Variants in RTBDN observed in about 807,000 individuals in gnomAD.
The protein encoded by RTBDN is retbindin.
RTBDN carries 24 observed loss-of-function variants against 21.9 expected under a neutral mutation model. The observed-to-expected ratio is 1.10, with a 90% CI of 0.79 to 1.54. RTBDN has a LOEUF of 1.54. Ranked by LOEUF, RTBDN falls within the 40% of genes most tolerant of loss-of-function variation. RTBDN has a pLI of 0.00. For missense variants in RTBDN, 325 were observed against 315.2 expected, an observed-to-expected ratio of 1.03 and a Z score of -0.23; for synonymous variants, 141 against 125.9, an observed-to-expected ratio of 1.12 and a Z score of -0.80.
At chr19:12,828,166 G>A (rs1253167281) in intron 4 of RTBDN, among the ~76,000 whole-genome samples, 3 of 151,712 alleles carry the variant, frequency 2.0e-5, no homozygotes, top group Non-Finnish European at 4.4e-5. Flanking sequence ...GGGAGGCCGA[G>A]GCGGGCGGAT....
Position 12,830,437 on chromosome 19 carries a change from T to G in RTBDN, c.-18-440A>C, listed in dbSNP as rs1050665468. The G allele has an allele frequency of 1.0e-6, 1 of 988,630 alleles. No homozygotes were observed. The highest frequency in any genetic ancestry group is 1.2e-6 in the Non-Finnish European group (1 of 832,100). The allele number at this position is 988,630 out of a possible 1,614,324, so 61.2% of individuals were successfully genotyped here. A position where few individuals can be genotyped will look rare whatever the true frequency, so the allele number is the denominator to read the frequency against. On this transcript the variant is annotated intron_variant, in intron 1 of 5. Coordinates refer to ENST00000674343, the MANE Select transcript of RTBDN (RefSeq NM_001270441.2). This position sits in a 1 kb window ranked among gnomAD's most constrained non-coding sequence, Gnocchi z 4.2. Reference sequence around the variant, plus strand: ...CCTGCCGGCCCTTCTCTGGGTCACCTTCTCTCGGCCCACAATCGGCTTAGG... The same window carrying G: ...CCTGCCGGCCCTTCTCTGGGTCACCGTCTCTCGGCCCACAATCGGCTTAGG...
Position 12,828,641 on chromosome 19 carries a change from C to T in RTBDN, c.365+16G>A, listed in dbSNP as rs1323984018. Reference sequence around the variant, plus strand: ...CCCAAGTCACAACCCACGCCCCTTGCCCCCGCGTCTCCTACCAGGCCTGGC... The same window carrying T: ...CCCAAGTCACAACCCACGCCCCTTGTCCCCGCGTCTCCTACCAGGCCTGGC... On this transcript the variant is annotated intron_variant, in intron 4 of 5. Transcript: ENST00000674343. 8 of 1,595,812 alleles carry T rather than the reference C, an allele frequency of 5.0e-6. No homozygotes were observed. The highest frequency in any genetic ancestry group is 6.0e-6 in the Non-Finnish European group (7 of 1,167,500).
intron 5 of RTBDN, chr19:12,826,247 A>G: frequency 7.8e-7 from 1 of 1,285,016 alleles, no homozygotes; most frequent in South Asian, 1.7e-5. Context: ...ATGGACCCAG[A>G]GCAGGAATGG....
intron 5 of RTBDN, 46 bp from the exon 6 acceptor site, chr19:12,825,979 C>T (rs756969624): frequency 2.1e-5 from 32 of 1,497,420 alleles, no homozygotes; most frequent in Admixed American, 4.8e-5. Flanking sequence ...AGTCCAGAGA[C>T]GTGGGGGGCG....
chr19:12,828,395 C>CAAA (rs1215529511), intron 4 of RTBDN, among the ~76,000 whole-genome samples: 4 of 123,348 alleles, frequency 3.2e-5, no homozygotes, highest in Non-Finnish European at 6.8e-5. Flanking sequence ...GACTCCATCT[C>CAAA]AAAAAAAAAA....
At position 12,834,408 on chromosome 19, in the gene RTBDN, C is replaced by T; in HGVS notation, c.-19+81G>A. The T allele has an allele frequency of 1.8e-6, 2 of 1,128,014 alleles. No individual in the cohort carries two copies. Among genetic ancestry groups the T allele is most frequent in the Non-Finnish European group, 2.6e-6 (2 of 781,766 alleles). 69.9% of individuals were successfully genotyped at this position (1,128,014 alleles called of 1,614,324 possible). ...CCATCGGCGCCGCTGGAGGCGTAAA[C>T]ATGTTTGTGCGGCAACCTCGCCCCT... On this transcript the variant is annotated intron_variant, in intron 1 of 5. Coordinates refer to ENST00000674343, the MANE Select transcript of RTBDN (RefSeq NM_001270441.2). The surrounding 1 kb of genome is among the most constrained non-coding windows in gnomAD (Gnocchi z 4.7).
intron 1 of RTBDN, among the ~76,000 whole-genome samples, chr19:12,833,170 G>C (rs1389424150): frequency 6.6e-6 from 1 of 152,110 alleles, no homozygotes; most frequent in Non-Finnish European, 1.5e-5. Flanking sequence ...AGGTGGGTGG[G>C]GGGGCATAAT....
upstream of RTBDN, chr19:12,834,838 G>C (rs151250411): frequency 7.7e-5 from 124 of 1,614,220 alleles, no homozygotes; most frequent in African/African-American, 1.3e-3. The surrounding 1 kb of genome is among the most constrained non-coding windows in gnomAD (Gnocchi z 4.7). Context: ...CTCGTCTTCA[G>C]CTGCGTTTCT....
At position 12,830,238 on chromosome 19, in the gene RTBDN, C is replaced by A; in HGVS notation, c.-18-241G>T. 7.9e-7 allele frequency: 1 copy of A among 1,266,804 alleles called. No homozygotes were observed. The highest frequency in any genetic ancestry group is 1.0e-6 in the Non-Finnish European group (1 of 1,002,412). 78.5% of individuals were successfully genotyped at this position (1,266,804 alleles called of 1,614,324 possible). On this transcript the variant is annotated intron_variant, in intron 1 of 5. Transcript: ENST00000674343. The surrounding 1 kb of genome is among the most constrained non-coding windows in gnomAD (Gnocchi z 4.2). ...TCCCTTCAGTGCCACCCCAACCAAG[C>A]TTAGACCACAGTGGCCCTCCTCCCA...
rs1278860586 is a variant in RTBDN, at chr19:12,831,015, G to C, written c.-18-1018C>G. Among the ~76,000 whole-genome samples the C allele has an allele frequency of 3.0e-5, 3 of 98,484 alleles. No homozygotes were observed. In the Admixed American group the frequency reaches 3.4e-4, roughly 11 times the overall value. 64.6% of individuals were successfully genotyped at this position (98,484 alleles called of 152,430 possible). On this transcript the variant is annotated intron_variant, in intron 1 of 5. Transcript: ENST00000674343. ...TTTATGTGTGTTTCTTGGTGGAGTG[G>C]TTGTGTGTGTGTGTGTGTGTGTGTG...
In RTBDN at chr19:12,828,882, C is replaced by A. The variant is rs766261061; in HGVS notation, c.241G>T (p.Val81Leu). ...GPGNHPERCG[V>L]PSPECESFLE... ...TGCTGTACTCACTCAGGGCTCGGCA[C>A]TCCACAGCGTTCTGGATGGTTTCCA... Residue 81 changes from valine (V) to leucine (L), a missense_variant, in exon 3 of 6, where the codon GTG becomes TTG. Val to Leu is a conservative substitution (Grantham distance 32). Transcript: ENST00000674343. 1 of 1,614,244 alleles carries A rather than the reference C, an allele frequency of 6.2e-7. No individual in the cohort carries two copies. The highest frequency in any genetic ancestry group is 8.5e-7 in the Non-Finnish European group (1 of 1,180,050).
chr19:12,828,677 G>T lies in RTBDN; in HGVS notation c.345C>A (p.Cys115Ter). The T allele has an allele frequency of 6.2e-7, 1 of 1,613,844 alleles. No homozygotes were observed. Among genetic ancestry groups the T allele is most frequent in the Non-Finnish European group, 8.5e-7 (1 of 1,179,834 alleles). The change falls in exon 4 of 6, where the codon TGC becomes TGA. Residue 115 changes from cysteine to a stop codon, truncating the protein, a stop_gained. Coordinates refer to ENST00000674343, the MANE Select transcript of RTBDN (RefSeq NM_001270441.2). LOFTEE classifies it high-confidence loss of function. ...CCTACCAGGCCTGGCAGAGCTCCTC[G>T]CAGAGCGGCTGTGCCTGGCGTACCC... ...LLGVRQAQPLCEELCQAWFAN... is the reference protein window; with the variant it reads ...LLGVRQAQPL
chr19:12,829,879 A>T lies in RTBDN; in HGVS notation c.101T>A (p.Leu34His), dbSNP rs772117060. The T allele has an allele frequency of 1.9e-6, 3 of 1,613,968 alleles. No individual in the cohort carries two copies. Among genetic ancestry groups the T allele is most frequent in the East Asian group, 4.5e-5 (2 of 44,890 alleles). Residue 34 changes from leucine (L) to histidine (H), a missense_variant, in exon 2 of 6, where the codon CTC (leucine) becomes CAC (histidine). Leu to His is a moderately conservative substitution (Grantham distance 99). Coordinates refer to ENST00000674343, the MANE Select transcript of RTBDN (RefSeq NM_001270441.2). ...LLEACGGSRP[L>H]QARSQQHHGL... is the part of the protein sequence containing the mutation. ...ATGGTGTTGCTGGGACCTGGCTTGG[A>T]GTGGGCGGCTCCCTCCACAGGCTTC...
Position 12,825,965 on chromosome 19 carries a change from G to A in RTBDN, c.463-32C>T, listed in dbSNP as rs375578558. On this transcript the variant is annotated intron_variant, in intron 5 of 5. Coordinates refer to ENST00000674343, the MANE Select transcript of RTBDN (RefSeq NM_001270441.2). ...AAAAGTGGAGTTAAGGCCCTAGTGG[G>A]CGGAGTCCAGAGACGTGGGGGGCGT... The A allele has an allele frequency of 1.4e-5, 22 of 1,534,438 alleles. 1 individual carries two copies. The African/African-American group carries it at 1.6e-4, about 11-fold the overall frequency.
At chr19:12,833,078 G>A (rs781559911) in intron 1 of RTBDN, 6 of 152,336 alleles carry the variant, frequency 3.9e-5, no homozygotes, top group South Asian at 2.1e-4. Context: ...AGACGGCCTG[G>A]CCTGGCTCCT....
intron 2 of RTBDN, among the ~76,000 whole-genome samples, chr19:12,829,547 A>G (rs1437430768): frequency 2.6e-5 from 4 of 152,130 alleles, no homozygotes; most frequent in South Asian, 2.1e-4. Flanking sequence ...TGCGAGGTAT[A>G]TTTGTTATTT....
chr19:12,832,293 G>T (rs972832998), intron 1 of RTBDN, among the ~76,000 whole-genome samples: 1 of 152,228 alleles, frequency 6.6e-6, no homozygotes, highest in African/African-American at 2.4e-5. Flanking sequence ...ACACTACGTT[G>T]CACACAGTAG....
intron 5 of RTBDN, chr19:12,826,345 A>G (rs1969296299): frequency 8.1e-7 from 1 of 1,239,998 alleles, no homozygotes. Flanking sequence ...GAAGGGTGGG[A>G]GCAGGGACCT....
Position 12,825,929 on chromosome 19 carries a change from A to T in RTBDN, c.467T>A (p.Phe156Tyr), listed in dbSNP as rs2145841239. Reference sequence around the variant, plus strand: ...GCGACAAAGGTCCGTCCCGTCTGCGAAGGTCTAGGAAAAAGTGGAGTTAAG... The same window carrying T: ...GCGACAAAGGTCCGTCCCGTCTGCGTAGGTCTAGGAAAAAGTGGAGTTAAG... ...EPSCLTYGQT[F>Y]ADGTDLCRSA... Residue 156 changes from phenylalanine (F) to tyrosine (Y), a missense_variant, in exon 6 of 6, where the codon TTC becomes TAC. By Grantham distance (22) the Phe-to-Tyr change is conservative. Transcript: ENST00000674343. 1 of 1,577,034 alleles carries T rather than the reference A, an allele frequency of 6.3e-7. No homozygotes were observed. Among genetic ancestry groups the T allele is most frequent in the East Asian group, 2.3e-5 (1 of 44,066 alleles).
Sources: gnomAD v4.1 joint callset for allele counts (sites outside exome capture counted in the v4.1 genomes callset) on GRCh38, gnomAD v4.1.1 for gene constraint, Gnocchi (gnomAD v3.1) non-coding constraint, MANE v1.5 for transcripts, NCBI Gene and HGNC (gene_info 2026-07-23, HGNC 2026-07-21) for gene names.